PRKAG2: variants seen among roughly 807,000 people sequenced by gnomAD.
PRKAG2 encodes the protein protein kinase AMP-activated non-catalytic subunit gamma 2.
Under a neutral mutation model 69.6 loss-of-function variants are expected in PRKAG2, and 26 were observed. That is an observed-to-expected ratio of 0.37 (90% CI 0.27 to 0.52). The LOEUF (loss-of-function observed/expected upper bound fraction) is 0.52, where lower values mean the gene tolerates loss of function less well. Ranked by LOEUF, PRKAG2 falls within the 20% of genes least tolerant of loss-of-function variation. The probability of loss-of-function intolerance (pLI) is 0.90; values close to 1 mark genes in which losing one functional copy is unlikely to be tolerated. For synonymous variants in PRKAG2, 293 were observed against 285.0 expected, an observed-to-expected ratio of 1.03 and a Z score of -0.28; for missense variants, 557 against 740.0, an observed-to-expected ratio of 0.75 and a Z score of 2.87.
At chr7:151,792,809 C>G (rs371305112) in intron 1 of PRKAG2, among the ~76,000 whole-genome samples, 4 of 152,232 alleles carry the variant, frequency 2.6e-5, no homozygotes, top group African/African-American at 9.6e-5. Context: ...TCCTGCTGAG[C>G]GGACCCCAGC....
At chr7:151,644,535 T>C (rs556585311) in intron 4 of PRKAG2, among the ~76,000 whole-genome samples, 2 of 152,368 alleles carry the variant, frequency 1.3e-5, no homozygotes, top group South Asian at 2.1e-4. Context: ...TCATTTCTAT[T>C]GCTAAGTAGC....
intron 15 of PRKAG2, chr7:151,559,205 T>C: frequency 4.1e-6 from 4 of 973,786 alleles, no homozygotes; most frequent in Non-Finnish European, 4.9e-6. Context: ...GTGAGATTCC[T>C]CCACTGTTGA....
At position 151,771,063 on chromosome 7, in the gene PRKAG2, T is replaced by C. The variant is rs2075998246; in HGVS notation, c.466+10089A>G. On this transcript the variant is annotated intron_variant, in intron 3 of 15. Coordinates refer to ENST00000287878, the MANE Select transcript of PRKAG2 (RefSeq NM_016203.4). This position sits in a 1 kb window ranked among gnomAD's most constrained non-coding sequence, Gnocchi z 4.0. ...GATCAAATTATCTGCCCACAATGTATAGGTTGCTTACAAAAATAACCAGCC... is the reference window on the plus strand; with the variant it reads ...GATCAAATTATCTGCCCACAATGTACAGGTTGCTTACAAAAATAACCAGCC... Among the ~76,000 whole-genome samples the C allele has an allele frequency of 6.6e-6, 1 of 152,222 alleles. No individual in the cohort carries two copies.
chr7:151,731,843 T>C (rs1223551145), intron 3 of PRKAG2, among the ~76,000 whole-genome samples: 1 of 152,148 alleles, frequency 6.6e-6, no homozygotes, highest in Non-Finnish European at 1.5e-5. Context: ...TCTAAGATTT[T>C]TGTTTGTCTT....
intron 3 of PRKAG2, among the ~76,000 whole-genome samples, chr7:151,737,647 C>T (rs1002732266): frequency 7.2e-5 from 11 of 152,180 alleles, no homozygotes; most frequent in Non-Finnish European, 1.6e-4. Context: ...CCCAGGCCTC[C>T]TCAGGAACCA....
At chr7:151,659,075 C>T (rs1411607608) in intron 4 of PRKAG2, among the ~76,000 whole-genome samples, 2 of 152,192 alleles carry the variant, frequency 1.3e-5, no homozygotes, top group Non-Finnish European at 2.9e-5. Context: ...TTCATAGTAA[C>T]TTGCTACAGT....
rs559551549 is a variant in PRKAG2, at chr7:151,638,132, C to T, written c.685-5994G>A. Among the ~76,000 whole-genome samples the T allele has an allele frequency of 2.0e-5, 3 of 152,298 alleles. No individual in the cohort carries two copies. Among genetic ancestry groups the T allele is most frequent in the African/African-American group, 7.2e-5 (3 of 41,554 alleles). On this transcript the variant is annotated intron_variant, in intron 4 of 15. Transcript: ENST00000287878. The surrounding 1 kb of genome is among the most constrained non-coding windows in gnomAD (Gnocchi z 4.3). Reference sequence around the variant, plus strand: ...TCTCCCCAGGGAGAACAAAATGGGCCAACCATGGCAGGGAGGAACTGGGTT... The same window carrying T: ...TCTCCCCAGGGAGAACAAAATGGGCTAACCATGGCAGGGAGGAACTGGGTT...
chr7:151,707,716 C>T (rs1453837503), intron 3 of PRKAG2, among the ~76,000 whole-genome samples: 2 of 152,168 alleles, frequency 1.3e-5, no homozygotes, highest in Admixed American at 1.3e-4. Context: ...CAGTGGCAAA[C>T]AAAGGACACA....
chr7:151,696,267 C>T (rs1358169971), intron 3 of PRKAG2, among the ~76,000 whole-genome samples: 3 of 152,370 alleles, frequency 2.0e-5, no homozygotes, highest in Admixed American at 2.0e-4. Context: ...AAACGTGGCG[C>T]GCCCGGGGCC....
intron 5 of PRKAG2, among the ~76,000 whole-genome samples, chr7:151,601,352 AT>A (rs1212139920): frequency 6.6e-6 from 1 of 151,988 alleles, no homozygotes; most frequent in Non-Finnish European, 1.5e-5. Flanking sequence ...TATTTCTAAT[AT>A]TTTTTTCCTT....
intron 3 of PRKAG2, among the ~76,000 whole-genome samples, chr7:151,754,937 G>A (rs1454602224): frequency 1.3e-5 from 2 of 152,078 alleles, no homozygotes; most frequent in Non-Finnish European, 2.9e-5. Flanking sequence ...TGCAGGAAGG[G>A]TCGCTGCAGG....
At chr7:151,558,588 T>A (rs186721369) in intron 15 of PRKAG2, 1 of 926,046 alleles carries the variant, frequency 1.1e-6, no homozygotes, top group Admixed American at 6.2e-5. Context: ...GTTGATCAGA[T>A]GCAGGCGCTC....
intron 1 of PRKAG2, among the ~76,000 whole-genome samples, chr7:151,838,034 G>A (rs979198392): frequency 3.3e-5 from 5 of 152,112 alleles, no homozygotes; most frequent in Non-Finnish European, 5.9e-5. Context: ...ACAGGACCCC[G>A]GAGGAGGCCA....
intron 4 of PRKAG2, among the ~76,000 whole-genome samples, chr7:151,645,363 A>T (rs1213860320): frequency 1.3e-5 from 2 of 152,204 alleles, no homozygotes; most frequent in Admixed American, 6.5e-5. Flanking sequence ...CACTAACCAC[A>T]TGAGCTTGGA....
At chr7:151,782,293 AAAGAAAGGAAGGAAGGAAGGAAGGAAGG>A (rs2076716341) in intron 2 of PRKAG2, among the ~76,000 whole-genome samples, 4 of 94,782 alleles carry the variant, frequency 4.2e-5, no homozygotes, top group South Asian at 4.7e-4. Flanking sequence ...AAGAGAAAGG[AAAGAAAGGAAGGAAGGAAGGAAGGAAGG>A]AAGGAAGGAA....
chr7:151,831,149 G>C (rs56259653), intron 1 of PRKAG2, among the ~76,000 whole-genome samples: 37,055 of 152,090 alleles, frequency 0.24, 4,783 homozygotes, highest in Middle Eastern at 0.29. Context: ...GAATGTAAAA[G>C]GGTGCTGCCA....
At chr7:151,713,224 T>C (rs1242563638) in intron 3 of PRKAG2, among the ~76,000 whole-genome samples, 1 of 151,810 alleles carries the variant, frequency 6.6e-6, no homozygotes, top group Non-Finnish European at 1.5e-5. Flanking sequence ...AGAAAATGGA[T>C]ATGCAGTTTG....
Position 151,648,847 on chromosome 7 carries a change from G to A in PRKAG2, c.685-16709C>T, listed in dbSNP as rs538984927. Among the ~76,000 whole-genome samples, 37 of 152,052 alleles carry A rather than the reference G, an allele frequency of 2.4e-4. 1 individual carries two copies. The South Asian group carries it at 4.8e-3, about 20-fold the overall frequency. ...CCCAAGGCAACATAGTGAGACCCCC[G>A]TCTCTTTAAAAAACAGAAAGAAAGG... On this transcript the variant is annotated intron_variant, in intron 4 of 15. Coordinates refer to ENST00000287878, the MANE Select transcript of PRKAG2 (RefSeq NM_016203.4).
chr7:151,663,630 G>A (rs1286049023), intron 4 of PRKAG2, among the ~76,000 whole-genome samples: 1 of 152,206 alleles, frequency 6.6e-6, no homozygotes, highest in Non-Finnish European at 1.5e-5. Context: ...AGACCGCTGG[G>A]ATTACAGGCG....
Sources: gnomAD v4.1 joint callset for allele counts (sites outside exome capture counted in the v4.1 genomes callset) on GRCh38, gnomAD v4.1.1 for gene constraint, Gnocchi (gnomAD v3.1) non-coding constraint, MANE v1.5 for transcripts, NCBI Gene and HGNC (gene_info 2026-07-23, HGNC 2026-07-21) for gene names.